Variants in RELB observed in about 807,000 individuals in gnomAD.
The protein encoded by RELB is RELB proto-oncogene, NF-kB subunit.
Under a neutral mutation model 55.4 loss-of-function variants are expected in RELB, and 14 were observed. That is an observed-to-expected ratio of 0.25 (90% CI 0.17 to 0.40). The LOEUF is 0.40. Ranked by LOEUF, RELB falls within the 10% of genes least tolerant of loss-of-function variation. The pLI is 1.00. For synonymous variants in RELB, 409 were observed against 371.3 expected, an observed-to-expected ratio of 1.10 and a Z score of -1.17; for missense variants, 669 against 830.7, an observed-to-expected ratio of 0.81 and a Z score of 2.39.
At chr19:45,021,357 T>G (rs1217252111) in intron 4 of RELB, among the ~76,000 whole-genome samples, 1 of 147,660 alleles carries the variant, frequency 6.8e-6, no homozygotes, top group Non-Finnish European at 1.5e-5. Context: ...ACTTGTAGTC[T>G]CAGCTACTCG....
At chr19:45,034,872 G>A (rs58291227) in intron 11 of RELB, among the ~76,000 whole-genome samples, 5 of 146,738 alleles carry the variant, frequency 3.4e-5, no homozygotes, top group Non-Finnish European at 7.4e-5. Context: ...ATGGAGTCTC[G>A]CTCTGTCGCC....
chr19:45,009,176 G>T (rs1266739826), intron 2 of RELB, among the ~76,000 whole-genome samples: 1 of 152,176 alleles, frequency 6.6e-6, no homozygotes, highest in Admixed American at 6.6e-5. Context: ...TGCCTCCTGA[G>T]TTCAAGCGAT....
At chr19:45,025,966 G>T (rs1971553699) in intron 7 of RELB, among the ~76,000 whole-genome samples, 1 of 152,068 alleles carries the variant, frequency 6.6e-6, no homozygotes, top group Admixed American at 6.6e-5. Flanking sequence ...GGGTGGCCAG[G>T]CACGGTGGCT....
Position 45,037,796 on chromosome 19 carries a change from C to T in RELB, c.*6C>T, listed in dbSNP as rs778503507. The T allele has an allele frequency of 3.4e-6, 5 of 1,478,022 alleles. No individual in the cohort carries two copies. The highest frequency in any genetic ancestry group is 4.5e-6 in the Non-Finnish European group (5 of 1,117,904). The allele number at this position is 1,478,022 out of a possible 1,614,324, so 91.6% of individuals were successfully genotyped here. On this transcript the variant is annotated 3_prime_UTR_variant, in exon 12 of 12. Coordinates refer to ENST00000221452, the MANE Select transcript of RELB (RefSeq NM_006509.4). ...CGGGGCCTGAAGCCACGTAGCCCCG[C>T]GATGCCAGAGGAGGGGCACTGGGTG...
Position 45,037,388 on chromosome 19 carries a change from T to A in RELB, c.1355-17T>A, listed in dbSNP as rs1348769872. The A allele has an allele frequency of 6.5e-7, 1 of 1,535,438 alleles. No individual in the cohort carries two copies. On this transcript the variant is annotated splice_polypyrimidine_tract_variant and intron_variant, in intron 11 of 11. Coordinates refer to ENST00000221452, the MANE Select transcript of RELB (RefSeq NM_006509.4). ...GCCCTAAATCACACTACACTTCTCT[T>A]GTCTTCATCCCCGTAGGCCCGTTCC...
rs950862393 is a variant in RELB, at chr19:45,002,964, C to T, written c.122C>T (p.Ser41Phe). The change falls in exon 2 of 12, where the codon TCC (serine) becomes TTC (phenylalanine). Residue 41 changes from serine to phenylalanine, a missense_variant. Physicochemically the swap from Ser to Phe is radical, Grantham distance 155 (BLOSUM62 -2). Transcript: ENST00000221452. Reference protein sequence around the residue: ...ELGALGSPDLSSLSLAVSRST... With the variant: ...ELGALGSPDLFSLSLAVSRST... ...TTCTCTGCAGGGTCCCCCGACCTCT[C>T]CTCACTCTCGCTCGCCGTTTCCAGG... 9.3e-6 allele frequency: 15 copies of T among 1,613,586 alleles called. No individual in the cohort carries two copies. Among genetic ancestry groups the T allele is most frequent in the Non-Finnish European group, 1.3e-5 (15 of 1,179,756 alleles).
At chr19:45,024,605 A>G (rs1379884540) in intron 5 of RELB, among the ~76,000 whole-genome samples, 1 of 152,066 alleles carries the variant, frequency 6.6e-6, no homozygotes, top group East Asian at 1.9e-4. Flanking sequence ...GCTGAAGTGC[A>G]GTGGCATGAT....
At chr19:45,005,032 G>C (rs564660829) in intron 2 of RELB, among the ~76,000 whole-genome samples, 6 of 152,088 alleles carry the variant, frequency 3.9e-5, no homozygotes, top group East Asian at 1.9e-4. Flanking sequence ...TTAGCCAGGC[G>C]TGGTGGCAGG....
At chr19:45,010,144 T>A (rs1054995195) in intron 3 of RELB, among the ~76,000 whole-genome samples, 2 of 151,438 alleles carry the variant, frequency 1.3e-5, no homozygotes, top group African/African-American at 4.9e-5. Flanking sequence ...CTACACAAAA[T>A]TTTTAAAAAT....
chr19:45,025,729 A>T lies in RELB; in HGVS notation c.878A>T (p.Tyr293Phe). 6.2e-7 allele frequency: 1 copy of T among 1,613,948 alleles called. No individual in the cohort carries two copies. Among genetic ancestry groups the T allele is most frequent in the East Asian group, 2.2e-5 (1 of 44,882 alleles). ...GATCCTGTGCTTTCCGAGCCCGTCT[A>T]TGACAAGAGTGAGTTGAGAGTGCTG... ...RMDPVLSEPV[Y>F]DKKSTNTSEL... The change falls in exon 7 of 12, where the codon TAT becomes TTT. Residue 293 changes from tyrosine to phenylalanine, a missense_variant. Physicochemically the swap from Tyr to Phe is conservative, Grantham distance 22 (BLOSUM62 3). This residue lies in a region of RELB where 341 missense variants were observed against 436.8 expected (regional missense o/e 0.78). Coordinates refer to ENST00000221452, the MANE Select transcript of RELB (RefSeq NM_006509.4).
intron 2 of RELB, among the ~76,000 whole-genome samples, chr19:45,007,219 C>A (rs1478197995): frequency 2.0e-5 from 3 of 152,144 alleles, no homozygotes; most frequent in Admixed American, 6.6e-5. Flanking sequence ...TCTGCTCTCA[C>A]GTGGCCCATC....
At chr19:45,018,093 C>T (rs1188386976) in intron 4 of RELB, among the ~76,000 whole-genome samples, 2 of 150,788 alleles carry the variant, frequency 1.3e-5, no homozygotes, top group Non-Finnish European at 3.0e-5. Flanking sequence ...ATGGAGAAAC[C>T]CCATCTATAC....
intron 11 of RELB, among the ~76,000 whole-genome samples, chr19:45,036,225 A>G (rs1033772675): frequency 1.3e-5 from 2 of 152,042 alleles, no homozygotes; most frequent in African/African-American, 4.8e-5. Flanking sequence ...GGTGCCCACC[A>G]CCATGCCCTG....
chr19:45,003,343 C>T (rs1361626349), intron 2 of RELB, among the ~76,000 whole-genome samples: 1 of 151,778 alleles, frequency 6.6e-6, no homozygotes, highest in African/African-American at 2.4e-5. Flanking sequence ...GGCGTGGTGG[C>T]GGGCTCCTGT....
At chr19:45,022,347 C>A in intron 5 of RELB, 137 bp downstream of exon 5, 1 of 826,176 alleles carries the variant, frequency 1.2e-6, no homozygotes, top group Non-Finnish European at 1.9e-6. Flanking sequence ...GGGAGACAGG[C>A]CTGGGGACAG....
At chr19:45,015,973 C>G (rs2122427652) in intron 4 of RELB, among the ~76,000 whole-genome samples, 1 of 151,938 alleles carries the variant, frequency 6.6e-6, no homozygotes, top group Non-Finnish European at 1.5e-5. Context: ...CACAGTCACT[C>G]CCAAAGTCCA....
intron 1 of RELB, 134 bp downstream of exon 1, chr19:45,001,819 G>T: frequency 1.8e-6 from 1 of 549,922 alleles, no homozygotes; most frequent in South Asian, 2.3e-5. Flanking sequence ...GGGTTCCTGA[G>T]ACACTGTATT....
intron 6 of RELB, 72 bp downstream of exon 6, chr19:45,025,492 C>T: frequency 1.3e-6 from 2 of 1,558,344 alleles, no homozygotes; most frequent in East Asian, 2.3e-5. Context: ...ACCCTGGTCC[C>T]CTCACCACTC....
chr19:45,001,565 G>A lies in RELB; in HGVS notation c.-15G>A, dbSNP rs1971209257. The A allele has an allele frequency of 1.4e-6, 2 of 1,432,158 alleles. No homozygotes were observed. Among genetic ancestry groups the A allele is most frequent in the Non-Finnish European group, 1.8e-6 (2 of 1,093,728 alleles). 88.7% of individuals were successfully genotyped at this position (1,432,158 alleles called of 1,614,324 possible). A position where few individuals can be genotyped will look rare whatever the true frequency, so the allele number is the denominator to read the frequency against. On this transcript the variant is annotated 5_prime_UTR_variant, in exon 1 of 12. Coordinates refer to ENST00000221452, the MANE Select transcript of RELB (RefSeq NM_006509.4). ...ACCAGACCGTGCCTCCCGGCCGCCCGGCCGGCCCGCGTGCATGCTTCGGTC... is the reference window on the plus strand; with the variant it reads ...ACCAGACCGTGCCTCCCGGCCGCCCAGCCGGCCCGCGTGCATGCTTCGGTC...
Sources: allele counts gnomAD v4.1 joint callset (sites outside exome capture counted in the v4.1 genomes callset), GRCh38; gene constraint gnomAD v4.1.1; regional missense constraint gnomAD v4.1.1; transcripts MANE v1.5; gene names NCBI Gene and HGNC (gene_info 2026-07-23, HGNC 2026-07-21).